The following SIMC1 variants were observed in gnomAD, a reference collection of about 807,000 sequenced individuals.
The protein encoded by SIMC1 is SUMO interacting motifs containing 1, also known as SUMO-interacting motif-containing protein 1.
A neutral mutation model predicts 82.3 loss-of-function variants in SIMC1; 55 were observed. That is an observed-to-expected ratio of 0.67 (90% CI 0.54 to 0.84). SIMC1 has a LOEUF of 0.84. Among genes scored for constraint, SIMC1 ranks in the 40% least tolerant of loss-of-function variants. The pLI, the probability that SIMC1 is intolerant of heterozygous loss-of-function variation, is 0.00. For synonymous variants in SIMC1, 353 were observed against 426.3 expected, an observed-to-expected ratio of 0.83 and a Z score of 2.12; for missense variants, 915 against 1,107.2, an observed-to-expected ratio of 0.83 and a Z score of 2.46.
At chr5:176,295,612 T>A (rs1763779841) in intron 3 of SIMC1, among the ~76,000 whole-genome samples, 1 of 151,126 alleles carries the variant, frequency 6.6e-6, no homozygotes, top group African/African-American at 2.4e-5. Flanking sequence ...TGTGGTAGCC[T>A]CTCAGCCTCA....
chr5:176,251,761 A>C (rs1201219138), intron 1 of SIMC1, among the ~76,000 whole-genome samples: 1 of 150,464 alleles, frequency 6.6e-6, no homozygotes, highest in East Asian at 1.9e-4. Flanking sequence ...TGGGTACTTG[A>C]GATTAGGGAG....
chr5:176,265,266 T>TCAAACAAA (rs79477198), intron 1 of SIMC1, among the ~76,000 whole-genome samples: 12,269 of 150,748 alleles, frequency 0.081, 546 homozygotes, highest in Non-Finnish European at 0.092. Flanking sequence ...ACTCTCCACT[T>TCAAACAAA]CAAACAAACA....
chr5:176,249,141 C>T, intron 1 of SIMC1, among the ~76,000 whole-genome samples: 1 of 152,078 alleles, frequency 6.6e-6, no homozygotes, highest in Non-Finnish European at 1.5e-5. Flanking sequence ...AGGAGTCCCT[C>T]ATTTTCTATT....
chr5:176,277,602 A>G (rs946704019), intron 1 of SIMC1, among the ~76,000 whole-genome samples: 5 of 152,006 alleles, frequency 3.3e-5, no homozygotes, highest in Non-Finnish European at 7.3e-5. Flanking sequence ...TAAGTCTTTA[A>G]TCTATCTTGA....
At chr5:176,316,393 G>A (rs893671880) in intron 5 of SIMC1, among the ~76,000 whole-genome samples, 2 of 150,212 alleles carry the variant, frequency 1.3e-5, no homozygotes, top group Non-Finnish European at 3.0e-5. Flanking sequence ...AAGGCTGGGC[G>A]TGGTGGCTCA....
chr5:176,277,924 C>T lies in SIMC1; in HGVS notation c.130-11730C>T, dbSNP rs1427489588. Among the ~76,000 whole-genome samples, 52 of 149,484 alleles carry T rather than the reference C, an allele frequency of 3.5e-4. 1 individual carries two copies. Among genetic ancestry groups the T allele is most frequent in the African/African-American group, 1.1e-3 (45 of 40,298 alleles). On this transcript the variant is annotated intron_variant, in intron 1 of 9. Coordinates refer to ENST00000429602, the MANE Select transcript of SIMC1 (RefSeq NM_001308195.2). ...TTCTTTTGGCTTAGGATTGACTTGG[C>T]GATGTGGGCTCTTTTTTGGTTCCAT...
chr5:176,266,340 G>A (rs1177674356), intron 1 of SIMC1, among the ~76,000 whole-genome samples: 12 of 152,110 alleles, frequency 7.9e-5, no homozygotes, highest in African/African-American at 1.9e-4. Flanking sequence ...AAAATCATAC[G>A]AAGGGTGAAC....
intron 5 of SIMC1, 27 bp downstream of exon 5, chr5:176,313,872 G>T: frequency 1.2e-6 from 2 of 1,612,310 alleles, no homozygotes; most frequent in Admixed American, 1.7e-5. Context: ...GCCCTCGGAT[G>T]AGAAGAGGTA....
chr5:176,250,363 G>A (rs1488112132), intron 1 of SIMC1, among the ~76,000 whole-genome samples: 1 of 152,144 alleles, frequency 6.6e-6, no homozygotes, highest in African/African-American at 2.4e-5. Flanking sequence ...CATTTACTGA[G>A]GAGTGTTTTA....
intron 4 of SIMC1, among the ~76,000 whole-genome samples, chr5:176,303,526 A>G (rs200636375): frequency 6.6e-6 from 1 of 151,746 alleles, no homozygotes; most frequent in African/African-American, 2.4e-5. Flanking sequence ...CTCCATGTTG[A>G]TCAGGCTGGT....
intron 7 of SIMC1, among the ~76,000 whole-genome samples, chr5:176,327,051 C>T (rs1765425861): frequency 6.6e-6 from 1 of 152,206 alleles, no homozygotes; most frequent in Non-Finnish European, 1.5e-5. Context: ...GAATACCATG[C>T]TTGCTCTAAC....
intron 4 of SIMC1, among the ~76,000 whole-genome samples, chr5:176,303,511 G>A (rs769861156): frequency 7.3e-5 from 11 of 151,636 alleles, no homozygotes; most frequent in Non-Finnish European, 1.6e-4. Context: ...AATAGAGACG[G>A]GTTTCTCCAT....
At position 176,308,804 on chromosome 5, in the gene SIMC1, T is replaced by C. The variant is rs1764536987; in HGVS notation, c.1735-4887T>C. 13 of 1,248,420 alleles carry C rather than the reference T, an allele frequency of 1.0e-5. 1 individual carries two copies. The South Asian group carries it at 1.3e-4, about 13-fold the overall frequency. 77.3% of individuals were successfully genotyped at this position (1,248,420 alleles called of 1,614,324 possible). A position where few individuals can be genotyped will look rare whatever the true frequency, so the allele number is the denominator to read the frequency against. ...TGTGCCAGGAGGAGCAGGATGCATATTGGAGGATCCACAGCCTTACACATC... is the reference window on the plus strand; with the variant it reads ...TGTGCCAGGAGGAGCAGGATGCATACTGGAGGATCCACAGCCTTACACATC... On this transcript the variant is annotated intron_variant, in intron 4 of 9. Transcript: ENST00000429602.
At chr5:176,339,794 G>A (rs2113418665) in intron 9 of SIMC1, among the ~76,000 whole-genome samples, 1 of 152,272 alleles carries the variant, frequency 6.6e-6, no homozygotes, top group South Asian at 2.1e-4. Context: ...AGCTTCTTTG[G>A]GGTCCAAGAG....
intron 1 of SIMC1, among the ~76,000 whole-genome samples, chr5:176,285,268 A>C (rs1376033096): frequency 6.6e-6 from 1 of 152,212 alleles, no homozygotes; most frequent in African/African-American, 2.4e-5. Context: ...ATCCAGCAGC[A>C]CATCAAAAAG....
At chr5:176,329,142 G>T (rs1765516226) in intron 7 of SIMC1, among the ~76,000 whole-genome samples, 1 of 152,152 alleles carries the variant, frequency 6.6e-6, no homozygotes, top group Non-Finnish European at 1.5e-5. Context: ...TCTATTACCT[G>T]TGTAGATTTT....
At position 176,290,498 on chromosome 5, in the gene SIMC1, C is replaced by T; in HGVS notation, c.974C>T (p.Ser325Leu). Residue 325 changes from serine (S) to leucine (L), a missense_variant, in exon 2 of 10, where the codon TCA becomes TTA. Ser to Leu is a moderately radical substitution (Grantham distance 145). Around this residue, in one of 2 missense-constraint regions of SIMC1, gnomAD observed 902 missense variants for 1,040.3 expected, o/e 0.87. Coordinates refer to ENST00000429602, the MANE Select transcript of SIMC1 (RefSeq NM_001308195.2). ...CAGTCACCAAGTGATGTTTCACCGT[C>T]ACCAGATGCACCACAGTCACCAGGG... is the stretch of plus-strand genomic sequence containing the variant. ...VPQSPSDVSP[S>L]PDAPQSPGGM... The T allele has an allele frequency of 6.2e-7, 1 of 1,613,982 alleles. No individual in the cohort carries two copies.
At position 176,296,297 on chromosome 5, in the gene SIMC1, C is replaced by T. The variant is rs377160590; in HGVS notation, c.1711C>T (p.Leu571Phe). 6.2e-7 allele frequency: 1 copy of T among 1,613,476 alleles called. No homozygotes were observed. Residue 571 changes from leucine (L) to phenylalanine (F), a missense_variant, in exon 4 of 10, where the codon CTC becomes TTC. Transcript: ENST00000429602. Reference sequence around the variant, plus strand: ...GACAGTGGAGTGGGACTGGAAACTGCTCACCTATGTCATGGAGGAAGAGGT... The same window carrying T: ...GACAGTGGAGTGGGACTGGAAACTGTTCACCTATGTCATGGAGGAAGAGGT... ...AKTVEWDWKL[L>F]TYVMEEEGQT... is the part of the protein sequence containing the mutation.
intron 4 of SIMC1, chr5:176,308,406 A>G: frequency 7.5e-6 from 12 of 1,607,020 alleles, no homozygotes; most frequent in East Asian, 2.2e-5. Context: ...AGGCCACCCC[A>G]TGAGAGTTGT....
Sources: allele counts gnomAD v4.1 joint callset (sites outside exome capture counted in the v4.1 genomes callset), GRCh38; gene constraint gnomAD v4.1.1; regional missense constraint gnomAD v4.1.1; transcripts MANE v1.5; gene names NCBI Gene and HGNC (gene_info 2026-07-23, HGNC 2026-07-21).